The following PTPRT variants were observed in gnomAD, a reference collection of about 807,000 sequenced individuals.
PTPRT encodes receptor-type tyrosine-protein phosphatase T.
Under a neutral mutation model 176.8 loss-of-function variants are expected in PTPRT, and 56 were observed. That is an observed-to-expected ratio of 0.32 (90% confidence interval 0.26 to 0.40). PTPRT has a LOEUF of 0.40. Among genes scored for constraint, PTPRT ranks in the 10% least tolerant of loss-of-function variants. The pLI, the probability that PTPRT is intolerant of heterozygous loss-of-function variation, is 1.00. For synonymous variants in PTPRT, 783 were observed against 739.0 expected (o/e 1.06, Z -0.96); for missense variants, 1,540 against 1,908.2 (o/e 0.81, Z 3.60).
intron 6 of PTPRT, among the ~76,000 whole-genome samples, chr20:42,697,004 A>G (rs1307732426): frequency 2.0e-5 from 3 of 152,228 alleles, no homozygotes; most frequent in Non-Finnish European, 2.9e-5. Flanking sequence ...CTAAGACATC[A>G]AACATACTCC....
At chr20:42,923,299 G>T (rs1979275722) in intron 1 of PTPRT, among the ~76,000 whole-genome samples, 1 of 152,198 alleles carries the variant, frequency 6.6e-6, no homozygotes, top group Non-Finnish European at 1.5e-5. Flanking sequence ...CCTATCTGAA[G>T]GCATCCAAAA....
intron 7 of PTPRT, among the ~76,000 whole-genome samples, chr20:42,586,299 G>A (rs1005485416): frequency 6.6e-6 from 1 of 152,110 alleles, no homozygotes. Flanking sequence ...TCACCCCAAA[G>A]GAAATATCTA....
chr20:42,220,672 A>G (rs2146786939), intron 15 of PTPRT, among the ~76,000 whole-genome samples: 1 of 144,332 alleles, frequency 6.9e-6, no homozygotes, highest in South Asian at 2.1e-4. Flanking sequence ...ACTTAGGTAC[A>G]TTGTTTAAAT....
Position 42,098,572 on chromosome 20 carries a change from G to A in PTPRT, c.3715-20C>T, listed in dbSNP as rs771192450. The A allele has an allele frequency of 2.2e-5, 36 of 1,613,750 alleles. No individual in the cohort carries two copies. The East Asian group carries it at 7.1e-4, about 32-fold the overall frequency. ...GTGGCTCTGACAAAGGAATGACACA[G>A]GCTTCGTAAATTACACATCCATCAG... is the stretch of plus-strand genomic sequence containing the variant. On this transcript the variant is annotated intron_variant, in intron 26 of 30. Coordinates refer to ENST00000373187, the MANE Select transcript of PTPRT (RefSeq NM_007050.6).
At chr20:42,324,319 G>C (rs755815160) in intron 11 of PTPRT, among the ~76,000 whole-genome samples, 1 of 152,152 alleles carries the variant, frequency 6.6e-6, no homozygotes, top group African/African-American at 2.4e-5. Context: ...TGGAGAAAAG[G>C]CAAGGCCATA....
chr20:42,056,594 C>T, the PTPRT span, among the ~76,000 whole-genome samples: 255 of 152,332 alleles, frequency 1.7e-3, 2 homozygotes, highest in African/African-American at 5.8e-3. Context: ...GAATGCTGTG[C>T]ATCCCTGTGT....
At chr20:42,779,144 C>G in intron 4 of PTPRT, among the ~76,000 whole-genome samples, 1 of 152,210 alleles carries the variant, frequency 6.6e-6, no homozygotes, top group Non-Finnish European at 1.5e-5. Context: ...AGGGAAGTTA[C>G]ATTTGAGGGT....
At chr20:42,441,661 G>A (rs4610115) in intron 9 of PTPRT, among the ~76,000 whole-genome samples, 52,832 of 152,088 alleles carry the variant, frequency 0.35, 10,602 homozygotes, top group African/African-American at 0.55. Flanking sequence ...CTCAGAACAG[G>A]ATGTGGCAGC....
chr20:42,873,052 T>C (rs1398210036), intron 2 of PTPRT, among the ~76,000 whole-genome samples: 1 of 152,198 alleles, frequency 6.6e-6, no homozygotes, highest in Non-Finnish European at 1.5e-5. Flanking sequence ...GTAGCTCTGT[T>C]GTTAATATGT....
chr20:42,920,182 A>C (rs1488566504), intron 1 of PTPRT, among the ~76,000 whole-genome samples: 1 of 152,258 alleles, frequency 6.6e-6, no homozygotes, highest in Admixed American at 6.5e-5. Flanking sequence ...CGAATGGCTT[A>C]GCAACTTGTG....
At chr20:42,196,227 T>C (rs950894938) in intron 16 of PTPRT, among the ~76,000 whole-genome samples, 1 of 152,164 alleles carries the variant, frequency 6.6e-6, no homozygotes, top group Non-Finnish European at 1.5e-5. Context: ...GTATTTTCAA[T>C]CAGATGAACT....
At chr20:42,739,923 G>T (rs6030452) in intron 6 of PTPRT, among the ~76,000 whole-genome samples, 97,122 of 151,932 alleles carry the variant, frequency 0.64, 31,782 homozygotes, top group East Asian at 0.84. Flanking sequence ...TCCTATTGAG[G>T]GGAAGGGCTC....
intron 25 of PTPRT, among the ~76,000 whole-genome samples, 196 bp downstream of exon 25, chr20:42,104,373 G>A (rs992090866): frequency 1.3e-5 from 2 of 152,184 alleles, no homozygotes; most frequent in Non-Finnish European, 2.9e-5. Context: ...AATATGCAAC[G>A]AGAAGACGGC....
chr20:42,894,812 G>A (rs967807329), intron 1 of PTPRT, among the ~76,000 whole-genome samples: 2 of 152,166 alleles, frequency 1.3e-5, no homozygotes, highest in African/African-American at 4.8e-5. Flanking sequence ...CAGGCATAGG[G>A]GGTAGGCTCT....
At chr20:42,523,631 T>G (rs973395312) in intron 7 of PTPRT, among the ~76,000 whole-genome samples, 2 of 152,246 alleles carry the variant, frequency 1.3e-5, no homozygotes, top group African/African-American at 4.8e-5. Flanking sequence ...AATCTGACAA[T>G]GTCTCCTTTG....
intron 16 of PTPRT, among the ~76,000 whole-genome samples, chr20:42,194,907 AG>A (rs1446510845): frequency 6.6e-6 from 1 of 152,158 alleles, no homozygotes; most frequent in Non-Finnish European, 1.5e-5. Context: ...CACTTGAAAT[AG>A]AAAAATCAAA....
At chr20:43,032,677 T>C (rs1432977880) in intron 1 of PTPRT, among the ~76,000 whole-genome samples, 1 of 152,058 alleles carries the variant, frequency 6.6e-6, no homozygotes, top group Non-Finnish European at 1.5e-5. Flanking sequence ...CCGCAGAGCG[T>C]CAGGCCTGAG....
chr20:42,729,274 T>G (rs1442346329), intron 6 of PTPRT, among the ~76,000 whole-genome samples: 1 of 151,792 alleles, frequency 6.6e-6, no homozygotes, highest in Admixed American at 6.6e-5. Context: ...CCCAGGGGGG[T>G]CGGTCTAGCG....
intron 3 of PTPRT, 86 bp from the exon 4 acceptor site, chr20:42,780,385 G>T: frequency 3.9e-6 from 4 of 1,018,528 alleles, no homozygotes; most frequent in Non-Finnish European, 6.1e-6. Flanking sequence ...AGCCCTTTAT[G>T]TTTCAACTTC....
Sources: gnomAD v4.1 joint callset for allele counts (sites outside exome capture counted in the v4.1 genomes callset) on GRCh38, gnomAD v4.1.1 for gene constraint, MANE v1.5 for transcripts, NCBI Gene and HGNC (gene_info 2026-07-23, HGNC 2026-07-21) for gene names.